SFMBT2: variants seen among roughly 807,000 people sequenced by gnomAD.
The protein encoded by SFMBT2 is Scm like with four mbt domains 2, also known as scm-like with four MBT domains protein 2.
Under a neutral mutation model 110.1 loss-of-function variants are expected in SFMBT2, and 38 were observed. The ratio of observed to expected loss-of-function variants is 0.35; its 90% CI spans 0.27 to 0.45. SFMBT2 has a LOEUF of 0.45. SFMBT2 is among the 20% of genes least tolerant of loss of function. The probability of loss-of-function intolerance (pLI) is 1.00; values close to 1 mark genes in which losing one functional copy is unlikely to be tolerated. For missense variants in SFMBT2, 1,011 were observed against 1,094.9 expected, an observed-to-expected ratio of 0.92 and a Z score of 1.08; for synonymous variants, 425 against 425.4, an observed-to-expected ratio of 1.00 and a Z score of 0.01.
At chr10:7,272,886 G>A (rs1415887853) in intron 7 of SFMBT2, among the ~76,000 whole-genome samples, 3 of 152,134 alleles carry the variant, frequency 2.0e-5, no homozygotes, top group East Asian at 1.9e-4. Flanking sequence ...TCTGCCTCCC[G>A]GGTTCAAGGA....
intron 17 of SFMBT2, among the ~76,000 whole-genome samples, chr10:7,173,297 A>G (rs1837947188): frequency 3.9e-5 from 6 of 152,152 alleles, no homozygotes; most frequent in Admixed American, 3.3e-4. Flanking sequence ...AATGACATCC[A>G]CCGGAGTGCT....
In SFMBT2 at chr10:7,161,017, C is replaced by T. The variant is rs1456892383; in HGVS notation, c.*2753G>A. 1 of 152,276 alleles carries T rather than the reference C, an allele frequency of 6.6e-6. No homozygotes were observed. Among genetic ancestry groups the T allele is most frequent in the African/African-American group, 2.4e-5 (1 of 41,456 alleles). The allele number at this position is 152,276 out of a possible 1,614,324, so 9.4% of individuals were successfully genotyped here. A position where few individuals can be genotyped will look rare whatever the true frequency, so the allele number is the denominator to read the frequency against. On this transcript the variant is annotated 3_prime_UTR_variant, in exon 21 of 21. Transcript: ENST00000397167. ...TGCAGTGGTCCCAGCCATCTCCTCCCTGGCACGTGCACAGACAGTGCTCAC... is the reference window on the plus strand; with the variant it reads ...TGCAGTGGTCCCAGCCATCTCCTCCTTGGCACGTGCACAGACAGTGCTCAC...
At chr10:7,242,208 G>A (rs534089056) in intron 9 of SFMBT2, among the ~76,000 whole-genome samples, 18 of 152,210 alleles carry the variant, frequency 1.2e-4, no homozygotes, top group South Asian at 6.2e-4. Context: ...AGAATCCTTC[G>A]ACTCATTTTA....
In SFMBT2 at chr10:7,162,017, G is replaced by C. The variant is rs950163135; in HGVS notation, c.*1753C>G. ...GTTTGGTTTCCTTGCATAAGTTTAA[G>C]AAGGCATCTTGGCAGCCACCACAGC... On this transcript the variant is annotated 3_prime_UTR_variant, in exon 21 of 21. Coordinates refer to ENST00000397167, the MANE Select transcript of SFMBT2 (RefSeq NM_001387889.1). 2 of 152,218 alleles carry C rather than the reference G, an allele frequency of 1.3e-5. No individual in the cohort carries two copies. Among genetic ancestry groups the C allele is most frequent in the Non-Finnish European group, 2.9e-5 (2 of 68,082 alleles). The allele number at this position is 152,218 out of a possible 1,614,324, so 9.4% of individuals were successfully genotyped here.
chr10:7,173,856 G>A (rs1252626167), intron 17 of SFMBT2, among the ~76,000 whole-genome samples: 2 of 152,200 alleles, frequency 1.3e-5, no homozygotes, highest in Non-Finnish European at 1.5e-5. Context: ...CCGTTGCAGG[G>A]AGCATGATTT....
intron 16 of SFMBT2, among the ~76,000 whole-genome samples, chr10:7,187,173 T>C (rs1276077295): frequency 2.0e-5 from 3 of 152,218 alleles, no homozygotes; most frequent in Non-Finnish European, 4.4e-5. Context: ...AAGGTTTTAA[T>C]GGGAGCTAAG....
chr10:7,197,839 C>T, intron 14 of SFMBT2, 152 bp from the exon 15 acceptor site: 1 of 1,247,144 alleles, frequency 8.0e-7, no homozygotes, highest in Admixed American at 3.2e-5. Context: ...GTAATAAAAG[C>T]AATGGAACCC....
rs534712523 is a variant in SFMBT2 at position 7,241,481 on chromosome 10, A to G, written c.1120+2077T>C. The G allele has an allele frequency of 5.2e-4, 171 of 328,872 alleles. 1 individual carries two copies. Among genetic ancestry groups the G allele is most frequent in the Non-Finnish European group, 7.1e-4 (163 of 229,874 alleles). The allele number at this position is 328,872 out of a possible 1,614,324, so 20.4% of individuals were successfully genotyped here. On this transcript the variant is annotated intron_variant, in intron 9 of 20. Transcript: ENST00000397167. ...TCTGAAAAAGAAAATTTCACTTTCAACAAGAGAAAGGAATGGTTTGGAAGA... is the reference window on the plus strand; with the variant it reads ...TCTGAAAAAGAAAATTTCACTTTCAGCAAGAGAAAGGAATGGTTTGGAAGA...
chr10:7,339,135 G>A (rs192559527), intron 4 of SFMBT2, among the ~76,000 whole-genome samples: 1 of 152,286 alleles, frequency 6.6e-6, no homozygotes, highest in African/African-American at 2.4e-5. Context: ...AGCTACTCAG[G>A]AGGCTGAGGC....
rs930193029 is a variant in SFMBT2, at chr10:7,206,666, G to A, written c.1331-738C>T. On this transcript the variant is annotated intron_variant, in intron 11 of 20. Transcript: ENST00000397167. The stretch of plus-strand genomic sequence containing the variant: ...TTTCGTAATTACAGTCATGCCTTAT[G>A]AGGACCTGGCTTCACAGCCATGAAA... The A allele has an allele frequency of 9.3e-6, 8 of 857,398 alleles. No individual in the cohort carries two copies. In the African/African-American group the frequency reaches 1.3e-4, roughly 14 times the overall value. The allele number at this position is 857,398 out of a possible 1,614,324, so 53.1% of individuals were successfully genotyped here. A position where few individuals can be genotyped will look rare whatever the true frequency, so the allele number is the denominator to read the frequency against.
chr10:7,348,827 C>A (rs1045575511), intron 4 of SFMBT2, among the ~76,000 whole-genome samples: 1 of 152,216 alleles, frequency 6.6e-6, no homozygotes, highest in Admixed American at 6.5e-5. Context: ...CTCTTTGGCA[C>A]ATTTCAGTTT....
chr10:7,220,182 A>AT (rs1839678889), intron 11 of SFMBT2, among the ~76,000 whole-genome samples: 1 of 152,236 alleles, frequency 6.6e-6, no homozygotes, highest in South Asian at 2.1e-4. Flanking sequence ...TCCAAACATA[A>AT]TTATCTTGCC....
intron 14 of SFMBT2, 31 bp downstream of exon 14, chr10:7,200,383 G>A (rs1210042957): frequency 2.6e-6 from 4 of 1,530,084 alleles, no homozygotes; most frequent in Middle Eastern, 1.7e-4. Flanking sequence ...CGGTGGGAAG[G>A]CACAGAGACC....
intron 11 of SFMBT2, among the ~76,000 whole-genome samples, chr10:7,218,318 A>G (rs1291486488): frequency 1.3e-5 from 2 of 152,208 alleles, no homozygotes; most frequent in Non-Finnish European, 2.9e-5. Context: ...AGTGCCATTA[A>G]GCTGTCACTC....
At chr10:7,358,705 T>TGGAATGGAGGCATGGTGGCC (rs1564456949) in intron 4 of SFMBT2, among the ~76,000 whole-genome samples, 22,493 of 139,190 alleles carry the variant, frequency 0.16, 1,922 homozygotes, top group Non-Finnish European at 0.2. Context: ...GCATGGTGGC[T>TGGAATGGAGGCATGGTGGCC]CTGGAATGAA....
At chr10:7,220,319 C>T (rs1283109145) in intron 11 of SFMBT2, 92 bp downstream of exon 11, 2 of 945,848 alleles carry the variant, frequency 2.1e-6, no homozygotes, top group Non-Finnish European at 3.3e-6. Context: ...GAAGTAAGGC[C>T]CCTTCTGAGA....
At chr10:7,205,173 C>T (rs577189133) in intron 12 of SFMBT2, 2 of 201,490 alleles carry the variant, frequency 9.9e-6, no homozygotes, top group East Asian at 1.8e-4. Context: ...GCGTTGACCT[C>T]CCGGGCTCAG....
At chr10:7,376,196 C>T (rs1008583517) in intron 2 of SFMBT2, among the ~76,000 whole-genome samples, 2 of 152,082 alleles carry the variant, frequency 1.3e-5, no homozygotes, top group Non-Finnish European at 2.9e-5. Context: ...CCTGGAATCC[C>T]AGCATTGGAA....
intron 1 of SFMBT2, among the ~76,000 whole-genome samples, chr10:7,390,324 A>C (rs1845730542): frequency 1.3e-5 from 2 of 152,300 alleles, no homozygotes; most frequent in Non-Finnish European, 2.9e-5. Context: ...GTTTTAATGT[A>C]ATAATGTCAA....
Sources: gnomAD v4.1 joint callset for allele counts (sites outside exome capture counted in the v4.1 genomes callset) on GRCh38, gnomAD v4.1.1 for gene constraint, MANE v1.5 for transcripts, NCBI Gene and HGNC (gene_info 2026-07-23, HGNC 2026-07-21) for gene names.